Variants in PLPPR1 observed in about 807,000 individuals in gnomAD.
PLPPR1 encodes phospholipid phosphatase related 1.
Under a neutral mutation model 33.1 loss-of-function variants are expected in PLPPR1, and 10 were observed. That is an observed-to-expected ratio of 0.30 (90% confidence interval 0.19 to 0.51). The LOEUF (loss-of-function observed/expected upper bound fraction) is 0.51, where lower values mean the gene tolerates loss of function less well. Among genes scored for constraint, PLPPR1 ranks in the 20% least tolerant of loss-of-function variants. The probability of loss-of-function intolerance (pLI) is 0.97; values close to 1 mark genes in which losing one functional copy is unlikely to be tolerated. For synonymous variants in PLPPR1, 151 were observed against 151.0 expected (o/e 1.00, Z 0.00); for missense variants, 304 against 408.1 (o/e 0.74, Z 2.20).
At chr9:101,176,336 T>A (rs1413742007) in intron 1 of PLPPR1, among the ~76,000 whole-genome samples, 2 of 151,760 alleles carry the variant, frequency 1.3e-5, no homozygotes, top group African/African-American at 4.8e-5. Context: ...CAGGACTTTA[T>A]TTCTTGATGA....
chr9:101,289,734 T>G (rs780492224), intron 4 of PLPPR1, among the ~76,000 whole-genome samples: 10 of 152,240 alleles, frequency 6.6e-5, no homozygotes, highest in Non-Finnish European at 1.0e-4. Flanking sequence ...CTGCCATGAT[T>G]GTGAGGCTTC....
chr9:101,303,090 G>A (rs1037593397), intron 4 of PLPPR1, among the ~76,000 whole-genome samples: 1 of 151,886 alleles, frequency 6.6e-6, no homozygotes, highest in Non-Finnish European at 1.5e-5. Context: ...ACGTTCAAGC[G>A]ATTCTCCTGC....
chr9:101,206,418 G>C (rs1826589385), intron 2 of PLPPR1, among the ~76,000 whole-genome samples: 4 of 152,184 alleles, frequency 2.6e-5, no homozygotes, highest in African/African-American at 9.6e-5. Context: ...AATGCCTGCT[G>C]TTTTGATCTA....
intron 2 of PLPPR1, among the ~76,000 whole-genome samples, chr9:101,244,998 T>C (rs1827560403): frequency 1.3e-5 from 2 of 152,058 alleles, no homozygotes; most frequent in African/African-American, 4.8e-5. Context: ...CTACTAGTAC[T>C]ATATTTACTA....
intron 6 of PLPPR1, among the ~76,000 whole-genome samples, chr9:101,315,709 G>A (rs572927282): frequency 6.6e-6 from 1 of 152,306 alleles, no homozygotes; most frequent in Admixed American, 6.5e-5. Flanking sequence ...GCACATGCAT[G>A]TGAACACACC....
chr9:101,235,443 G>A (rs1484847791), intron 2 of PLPPR1, among the ~76,000 whole-genome samples: 1 of 151,824 alleles, frequency 6.6e-6, no homozygotes, highest in East Asian at 1.9e-4. Flanking sequence ...ATCTGCAGCT[G>A]CTGTGATATT....
chr9:101,142,746 CT>C (rs1006561966), intron 1 of PLPPR1, among the ~76,000 whole-genome samples: 5 of 151,492 alleles, frequency 3.3e-5, no homozygotes, highest in Middle Eastern at 3.4e-3. Flanking sequence ...GCTGCTGCTG[CT>C]TTTTTTTTCC....
chr9:101,093,473 G>A (rs1830774797), intron 1 of PLPPR1, among the ~76,000 whole-genome samples: 1 of 152,144 alleles, frequency 6.6e-6, no homozygotes, highest in Non-Finnish European at 1.5e-5. Context: ...TTTTGGTCAT[G>A]GGAGCTATAA....
intron 1 of PLPPR1, among the ~76,000 whole-genome samples, chr9:101,179,118 C>G (rs1826061540): frequency 6.6e-6 from 1 of 152,104 alleles, no homozygotes; most frequent in Non-Finnish European, 1.5e-5. Flanking sequence ...TACTCTACAA[C>G]TTAGGTAAGG....
intron 2 of PLPPR1, among the ~76,000 whole-genome samples, chr9:101,251,046 G>T (rs1041857534): frequency 1.3e-5 from 2 of 151,916 alleles, no homozygotes; most frequent in African/African-American, 4.8e-5. Context: ...CTCTAACCAA[G>T]AACTTTCTTC....
chr9:101,206,203 G>T (rs143428458), intron 2 of PLPPR1, among the ~76,000 whole-genome samples: 41 of 152,250 alleles, frequency 2.7e-4, no homozygotes, highest in African/African-American at 7.9e-4. Flanking sequence ...TTAAACTTAG[G>T]ACTTTGTAAA....
intron 1 of PLPPR1, among the ~76,000 whole-genome samples, chr9:101,051,903 A>T (rs1231850991): frequency 6.6e-6 from 1 of 152,210 alleles, no homozygotes; most frequent in Non-Finnish European, 1.5e-5. Flanking sequence ...AAAAAAATAA[A>T]ATGATATTAC....
intron 2 of PLPPR1, among the ~76,000 whole-genome samples, chr9:101,238,275 AC>A: frequency 7.3e-6 from 1 of 136,494 alleles, no homozygotes; most frequent in Non-Finnish European, 1.6e-5. Flanking sequence ...CCCTATATAT[AC>A]ATCCTATATA....
chr9:101,144,353 G>A (rs1012543432), intron 1 of PLPPR1, among the ~76,000 whole-genome samples: 2 of 152,180 alleles, frequency 1.3e-5, no homozygotes, highest in Non-Finnish European at 2.9e-5. Flanking sequence ...CATGGCACAT[G>A]TATACATATG....
chr9:101,254,352 G>A (rs1827762280), intron 2 of PLPPR1, among the ~76,000 whole-genome samples: 1 of 152,054 alleles, frequency 6.6e-6, no homozygotes, highest in African/African-American at 2.4e-5. Context: ...CACTTGTGCA[G>A]TTCACAATAG....
intron 3 of PLPPR1, among the ~76,000 whole-genome samples, chr9:101,276,998 C>T (rs1828208829): frequency 6.6e-6 from 1 of 152,160 alleles, no homozygotes; most frequent in Non-Finnish European, 1.5e-5. Context: ...AAGCTCTCTG[C>T]AGGTCTGGGG....
At chr9:101,164,920 G>A (rs895109790) in intron 1 of PLPPR1, among the ~76,000 whole-genome samples, 2 of 152,076 alleles carry the variant, frequency 1.3e-5, no homozygotes, top group African/African-American at 4.8e-5. Context: ...GTCTTTTGCA[G>A]ATATGAGAGG....
chr9:101,101,309 G>A (rs1312664774), intron 1 of PLPPR1, among the ~76,000 whole-genome samples: 1 of 151,934 alleles, frequency 6.6e-6, no homozygotes, highest in African/African-American at 2.4e-5. Flanking sequence ...GTGTCCTTGG[G>A]TTTTCTGGCT....
chr9:101,238,310 A>ACATCC (rs1827371538), intron 2 of PLPPR1, among the ~76,000 whole-genome samples: 2 of 132,576 alleles, frequency 1.5e-5, no homozygotes, highest in African/African-American at 2.8e-5. Flanking sequence ...TATATAGGGT[A>ACATCC]TGTATATAGG....
Sources: gnomAD v4.1 joint callset for allele counts (sites outside exome capture counted in the v4.1 genomes callset) on GRCh38, gnomAD v4.1.1 for gene constraint, MANE v1.5 for transcripts, NCBI Gene and HGNC (gene_info 2026-07-23, HGNC 2026-07-21) for gene names.